ZNF544: variants seen among roughly 807,000 people sequenced by gnomAD.
ZNF544 encodes zinc finger protein AF020591.
Under a neutral mutation model 13.5 loss-of-function variants are expected in ZNF544, and 10 were observed. That is an observed-to-expected ratio of 0.74 (90% CI 0.46 to 1.25). ZNF544 has a LOEUF of 1.25. ZNF544 is among the 50% of genes most tolerant of loss of function. ZNF544 has a pLI of 0.00. For synonymous variants in ZNF544, 323 were observed against 300.5 expected (o/e 1.07, Z -0.77); for missense variants, 896 against 845.6 (o/e 1.06, Z -0.74).
chr19:58,242,692 C>T (rs4801573), intron 3 of ZNF544, among the ~76,000 whole-genome samples: 11,580 of 151,678 alleles, frequency 0.076, 925 homozygotes, highest in African/African-American at 0.19. Flanking sequence ...TTTGTGTTTT[C>T]TTTGTTTTGT....
In ZNF544 at chr19:58,261,655, C is replaced by A; in HGVS notation, c.1049C>A (p.Thr350Lys). Residue 350 changes from threonine (T) to lysine (K), a missense_variant, in exon 7 of 7, where the codon ACA becomes AAA. Transcript: ENST00000687789. ...SFSDCNIIQTTEKPSVCNQCG... is the reference protein window; with the variant it reads ...SFSDCNIIQTKEKPSVCNQCG... ...TCTGACTGTAACATCATTCAGACTA[C>A]AGAGAAGCCATCTGTGTGTAATCAG... 1 of 1,614,228 alleles carries A rather than the reference C, an allele frequency of 6.2e-7. No homozygotes were observed.
chr19:58,241,176 T>TATTTAA (rs36128944), intron 3 of ZNF544, among the ~76,000 whole-genome samples: 19 of 92,518 alleles, frequency 2.1e-4, no homozygotes, highest in Admixed American at 3.9e-4. Flanking sequence ...TATATATATA[T>TATTTAA]ATATTTTTTT....
At chr19:58,248,842 C>A (rs1055883087) in intron 6 of ZNF544, among the ~76,000 whole-genome samples, 2 of 152,208 alleles carry the variant, frequency 1.3e-5, no homozygotes, top group Non-Finnish European at 2.9e-5. Context: ...AGCTCAAGAG[C>A]ACTGGTTACA....
intron 5 of ZNF544, among the ~76,000 whole-genome samples, chr19:58,271,523 C>A (rs939926778): frequency 4.6e-5 from 7 of 152,000 alleles, no homozygotes; most frequent in Non-Finnish European, 1.0e-4. Context: ...GATTCTTTGA[C>A]CCCAGGAGGT....
chr19:58,277,354 C>A, exon 7 of ZNF544: 1 of 899,554 alleles, frequency 1.1e-6, no homozygotes, highest in Non-Finnish European at 1.5e-6. Context: ...ACCCCTTCAA[C>A]ACGGTGTGAA....
At chr19:58,231,005 C>G (rs548201206) in intron 3 of ZNF544, among the ~76,000 whole-genome samples, 2 of 151,996 alleles carry the variant, frequency 1.3e-5, no homozygotes, top group South Asian at 4.2e-4. Flanking sequence ...AGCATGAGCT[C>G]GCAGCTGTAA....
At chr19:58,241,494 C>T (rs1003945662) in intron 3 of ZNF544, among the ~76,000 whole-genome samples, 3 of 150,672 alleles carry the variant, frequency 2.0e-5, no homozygotes, top group Admixed American at 6.6e-5. Flanking sequence ...ATTCACATTC[C>T]ATTTCTTTTT....
chr19:58,245,285 C>A (rs534140910), intron 4 of ZNF544, among the ~76,000 whole-genome samples: 1 of 150,898 alleles, frequency 6.6e-6, no homozygotes, highest in Admixed American at 6.6e-5. Flanking sequence ...AAATTAATCA[C>A]CTTGTTTGTG....
chr19:58,262,983 G>A lies in ZNF544; in HGVS notation c.*229G>A. The A allele has an allele frequency of 7.4e-7, 1 of 1,351,948 alleles. No homozygotes were observed. The highest frequency in any genetic ancestry group is 1.5e-5 in the African/African-American group (1 of 68,408). 83.7% of individuals were successfully genotyped at this position (1,351,948 alleles called of 1,614,324 possible). A position where few individuals can be genotyped will look rare whatever the true frequency, so the allele number is the denominator to read the frequency against. ...AGTAAACACGAGAGGACACACACTG[G>A]AGGCAAACCCTATGAATGTGACCAT... On this transcript the variant is annotated 3_prime_UTR_variant, in exon 7 of 7. Coordinates refer to ENST00000687789, the MANE Select transcript of ZNF544 (RefSeq NM_014480.4).
intron 5 of ZNF544, among the ~76,000 whole-genome samples, chr19:58,271,921 G>A (rs2050679785): frequency 6.6e-6 from 1 of 152,048 alleles, no homozygotes; most frequent in Non-Finnish European, 1.5e-5. Context: ...CAGCACTTTG[G>A]GAGGCCGAGG....
chr19:58,237,369 TC>T (rs1235211640), intron 3 of ZNF544, among the ~76,000 whole-genome samples: 1 of 152,156 alleles, frequency 6.6e-6, no homozygotes, highest in East Asian at 1.9e-4. Context: ...AAGCTTCTGT[TC>T]ATCTTAAGCC....
chr19:58,261,778 A>G lies in ZNF544; in HGVS notation c.1172A>G (p.Gln391Arg). 1 of 1,614,156 alleles carries G rather than the reference A, an allele frequency of 6.2e-7. No individual in the cohort carries two copies. Among genetic ancestry groups the G allele is most frequent in the Non-Finnish European group, 8.5e-7 (1 of 1,180,018 alleles). The change falls in exon 7 of 7, where the codon CAG becomes CGG. Residue 391 changes from glutamine to arginine, a missense_variant. Physicochemically the swap from Gln to Arg is conservative, Grantham distance 43 (BLOSUM62 1). Coordinates refer to ENST00000687789, the MANE Select transcript of ZNF544 (RefSeq NM_014480.4). ...ECTQCGKSFS[Q>R]SYDLVIHQRT... ...ACTCAGTGTGGGAAATCTTTTAGCC[A>G]GAGCTATGACCTTGTCATACATCAG...
At chr19:58,243,866 GC>G in intron 3 of ZNF544, 98 bp from the exon 4 acceptor site, 1 of 954,672 alleles carries the variant, frequency 1.0e-6, no homozygotes, top group South Asian at 2.1e-5. Flanking sequence ...CACCTGGGAA[GC>G]CCTGCTTGTG....
Position 58,262,731 on chromosome 19 carries a change from A to G in ZNF544, c.2125A>G (p.Thr709Ala). Residue 709 changes from threonine (T) to alanine (A), a missense_variant, in exon 7 of 7, where the codon ACA becomes GCA. Physicochemically the swap from Thr to Ala is moderately conservative, Grantham distance 58. Coordinates refer to ENST00000687789, the MANE Select transcript of ZNF544 (RefSeq NM_014480.4). ...QQSQLVVHRRTHTGEKP is the reference protein window; with the variant it reads ...QQSQLVVHRRAHTGEKP ...ATCTCAACTTGTAGTGCATCGGCGG[A>G]CACATACTGGAGAGAAACCTTAGGA... is the stretch of plus-strand genomic sequence containing the variant. 1 of 1,605,166 alleles carries G rather than the reference A, an allele frequency of 6.2e-7. No homozygotes were observed.
chr19:58,255,510 A>C (rs2047104808), intron 6 of ZNF544, among the ~76,000 whole-genome samples: 1 of 152,322 alleles, frequency 6.6e-6, no homozygotes, highest in East Asian at 1.9e-4. Context: ...ATTCAGGGAA[A>C]GCAAATTGAT....
intron 4 of ZNF544, 66 bp downstream of exon 4, chr19:58,244,122 C>T: frequency 2.2e-6 from 3 of 1,394,372 alleles, no homozygotes; most frequent in Non-Finnish European, 3.0e-6. Context: ...CCAGGAATAG[C>T]ACCCGCCCCT....
At chr19:58,238,263 G>A (rs2042848539) in intron 3 of ZNF544, among the ~76,000 whole-genome samples, 1 of 152,140 alleles carries the variant, frequency 6.6e-6, no homozygotes, top group Non-Finnish European at 1.5e-5. Context: ...GATATCTGGA[G>A]ATTGTGGAGG....
chr19:58,246,862 C>A, intron 6 of ZNF544, 68 bp downstream of exon 6: 1 of 1,488,624 alleles, frequency 6.7e-7, no homozygotes, highest in Non-Finnish European at 9.2e-7. Flanking sequence ...CTCCGCAGGG[C>A]CCCAGGGGCC....
chr19:58,263,304 T>C lies in ZNF544; in HGVS notation c.*550T>C. On this transcript the variant is annotated 3_prime_UTR_variant, in exon 7 of 7. Coordinates refer to ENST00000687789, the MANE Select transcript of ZNF544 (RefSeq NM_014480.4). ...GGCAAAATCCTGTCTTTACAAAAAA[T>C]ACAAAAATTAGCCTAGCATGGTGGC... 1 of 876,190 alleles carries C rather than the reference T, an allele frequency of 1.1e-6. No homozygotes were observed. The highest frequency in any genetic ancestry group is 1.4e-6 in the Non-Finnish European group (1 of 730,212). The allele number at this position is 876,190 out of a possible 1,614,324, so 54.3% of individuals were successfully genotyped here. A position where few individuals can be genotyped will look rare whatever the true frequency, so the allele number is the denominator to read the frequency against.
Sources: allele counts gnomAD v4.1 joint callset (sites outside exome capture counted in the v4.1 genomes callset), GRCh38; gene constraint gnomAD v4.1.1; transcripts MANE v1.5; gene names NCBI Gene and HGNC (gene_info 2026-07-23, HGNC 2026-07-21).